Variants in PCDHGA2 observed in about 807,000 individuals in gnomAD.
The protein encoded by PCDHGA2 is protocadherin gamma-A2.
In PCDHGA2, 40 loss-of-function variants were observed where a neutral mutation model predicts 59.2. The observed-to-expected ratio is 0.68, with a 90% CI of 0.52 to 0.88. The LOEUF is 0.88. Among genes scored for constraint, PCDHGA2 ranks in the 40% least tolerant of loss-of-function variants. The pLI is 0.00. For missense variants in PCDHGA2, 1,226 were observed against 1,204.0 expected (o/e 1.02, Z -0.27); for synonymous variants, 560 against 526.0 (o/e 1.06, Z -0.89).
intron 1 of PCDHGA2, chr5:141,430,691 G>C (rs1479214920): frequency 1.4e-6 from 2 of 1,416,472 alleles, no homozygotes; most frequent in Non-Finnish European, 1.9e-6. Flanking sequence ...CCATTCTATG[G>C]GCGAAGGAAC....
rs761126985 is a variant in PCDHGA2 at position 141,431,245 on chromosome 5, C to G, written c.2425-63562C>G. ...TACCCCACGCCTGGGATCCGGATAT[C>G]GGGAAGAACTCTCTGCAGAGCTACG... is the stretch of plus-strand genomic sequence containing the variant. On this transcript the variant is annotated intron_variant, in intron 1 of 3. Transcript: ENST00000394576. This position sits in a 1 kb window ranked among gnomAD's most constrained non-coding sequence, Gnocchi z 4.8. 1.2e-6 allele frequency: 2 copies of G among 1,614,016 alleles called. No homozygotes were observed. Among genetic ancestry groups the G allele is most frequent in the Non-Finnish European group, 1.7e-6 (2 of 1,180,046 alleles).
At chr5:141,402,202 A>G (rs1223519214) in intron 1 of PCDHGA2, among the ~76,000 whole-genome samples, 1 of 152,138 alleles carries the variant, frequency 6.6e-6, no homozygotes. Flanking sequence ...CTTTTATAAT[A>G]CAAAAATTTA....
Position 141,339,180 on chromosome 5 carries a change from G to A in PCDHGA2, c.209G>A (p.Gly70Asp). ...CAGGGAGTCCGCATCGTCTCCAGAGGTAGGTCCCAGCTCTTTGCTCTGAAC... is the reference window on the plus strand; with the variant it reads ...CAGGGAGTCCGCATCGTCTCCAGAGATAGGTCCCAGCTCTTTGCTCTGAAC... The part of the protein sequence containing the change: ...AEQGVRIVSR[G>D]RSQLFALNPR... The change falls in exon 1 of 4, where the codon GGT becomes GAT. Residue 70 changes from glycine (G) to aspartate (D), a missense_variant. By Grantham distance (94) the Gly-to-Asp change is moderately conservative (BLOSUM62 -1). Transcript: ENST00000394576. 6.2e-7 allele frequency: 1 copy of A among 1,614,124 alleles called. No homozygotes were observed. The highest frequency in any genetic ancestry group is 1.3e-5 in the African/African-American group (1 of 75,058).
intron 1 of PCDHGA2, among the ~76,000 whole-genome samples, chr5:141,445,961 G>C (rs944876169): frequency 6.6e-6 from 1 of 152,158 alleles, no homozygotes; most frequent in Non-Finnish European, 1.5e-5. Flanking sequence ...GCTATATGGA[G>C]AATTGATTTA....
intron 1 of PCDHGA2, chr5:141,365,726 C>T (rs1266306756): frequency 6.2e-7 from 1 of 1,613,804 alleles, no homozygotes; most frequent in East Asian, 2.2e-5. Flanking sequence ...AGAAAACAAT[C>T]CCAGAGGTGT....
chr5:141,511,002 C>T lies in PCDHGA2; in HGVS notation c.2628C>T (p.Ser876=), dbSNP rs143630962. 77 of 1,614,140 alleles carry T rather than the reference C, an allele frequency of 4.8e-5. No individual in the cohort carries two copies. Among genetic ancestry groups the T allele is most frequent in the South Asian group, 2.1e-4 (19 of 91,080 alleles). ...GGGGTGCCGGCACCATGGGATTGAG[C>T]GCCCGCTACGGACCCCAGTTCACCC... The part of the protein sequence containing the change: ...LGGGAGTMGL[S]ARYGPQFTLQ... Residue 876 remains serine (S), a synonymous_variant, in exon 4 of 4, where the codon AGC becomes AGT. Coordinates refer to ENST00000394576, the MANE Select transcript of PCDHGA2 (RefSeq NM_018915.4).
intron 2 of PCDHGA2, among the ~76,000 whole-genome samples, chr5:141,503,608 AAAAAAAG>A (rs1483073868): frequency 3.3e-5 from 5 of 151,876 alleles, no homozygotes; most frequent in South Asian, 2.1e-4. Context: ...CAAAAAAAAA[AAAAAAAG>A]AAAAAAGAAA....
At chr5:141,408,776 C>A in intron 1 of PCDHGA2, 2 of 1,611,684 alleles carry the variant, frequency 1.2e-6, no homozygotes, top group Non-Finnish European at 1.7e-6. Flanking sequence ...TGGCAAATAC[C>A]CAGAGTTATC....
intron 1 of PCDHGA2, chr5:141,346,526 C>T (rs1757767070): frequency 1.9e-6 from 3 of 1,582,088 alleles, no homozygotes; most frequent in Non-Finnish European, 2.6e-6. Flanking sequence ...AGCTTTAACA[C>T]ATATGTATTT....
At chr5:141,345,890 G>A (rs532588683) in intron 1 of PCDHGA2, 58 of 1,613,234 alleles carry the variant, frequency 3.6e-5, no homozygotes, top group Non-Finnish European at 4.6e-5. Flanking sequence ...TCTTCTCGGT[G>A]GGTCTGCACA....
chr5:141,352,557 T>G (rs759005567), intron 1 of PCDHGA2: 1 of 1,613,974 alleles, frequency 6.2e-7, no homozygotes, highest in South Asian at 1.1e-5. Flanking sequence ...TCTCTCAACC[T>G]GACACCGGAA....
At chr5:141,420,353 G>C (rs1281948860) in intron 1 of PCDHGA2, 1 of 1,382,260 alleles carries the variant, frequency 7.2e-7, no homozygotes, top group African/African-American at 1.5e-5. Context: ...ATTATTTTAA[G>C]ATTCTAGATA....
chr5:141,352,016 A>C lies in PCDHGA2; in HGVS notation c.2424+10621A>C, dbSNP rs1588492116. ...CGCAGAGCCCGGCTACCTGGTGACC[A>C]AGGTGGTGGCGGTGGACGCAGACTC... On this transcript the variant is annotated intron_variant, in intron 1 of 3. Coordinates refer to ENST00000394576, the MANE Select transcript of PCDHGA2 (RefSeq NM_018915.4). 1.9e-6 allele frequency: 3 copies of C among 1,609,870 alleles called. No individual in the cohort carries two copies. Among genetic ancestry groups the C allele is most frequent in the Non-Finnish European group, 2.5e-6 (3 of 1,179,152 alleles).
At chr5:141,423,631 T>G (rs1452661307) in intron 1 of PCDHGA2, 2 of 1,603,990 alleles carry the variant, frequency 1.2e-6, no homozygotes, top group African/African-American at 2.7e-5. Flanking sequence ...AGCTATCATT[T>G]TAGGCAAATG....
At chr5:141,414,622 C>T in intron 1 of PCDHGA2, 1 of 1,613,956 alleles carries the variant, frequency 6.2e-7, no homozygotes. Context: ...AGCGCTGGAC[C>T]CGGACAGCAA....
At chr5:141,478,586 T>C (rs754157570) in intron 1 of PCDHGA2, 6 of 1,576,788 alleles carry the variant, frequency 3.8e-6, no homozygotes, top group Non-Finnish European at 3.4e-6. Context: ...GTTAGTGCTT[T>C]TTTATTCCTA....
At chr5:141,345,496 C>G in intron 1 of PCDHGA2, 2 of 1,614,182 alleles carry the variant, frequency 1.2e-6, no homozygotes, top group Non-Finnish European at 1.7e-6. Context: ...GCCCGCATCA[C>G]TTATGCATTG....
intron 1 of PCDHGA2, chr5:141,376,025 G>A (rs1561571387): frequency 6.2e-7 from 1 of 1,613,266 alleles, no homozygotes; most frequent in East Asian, 2.2e-5. Flanking sequence ...GGCCGTCCAG[G>A]ACCACGGCCA....
At position 141,433,142 on chromosome 5, in the gene PCDHGA2, G is replaced by T. The variant is rs2097571106; in HGVS notation, c.2425-61665G>T. On this transcript the variant is annotated intron_variant, in intron 1 of 3. Coordinates refer to ENST00000394576, the MANE Select transcript of PCDHGA2 (RefSeq NM_018915.4). ...AAAAAGCGAGCCCCTTTTGCTGTCA[G>T]GTGATTCGGTATTTTCTAAAGACAG... The T allele has an allele frequency of 4.7e-5, 76 of 1,613,992 alleles. No homozygotes were observed. Among genetic ancestry groups the T allele is most frequent in the Non-Finnish European group, 6.4e-5 (76 of 1,180,016 alleles).
Sources: gnomAD v4.1 joint callset for allele counts (sites outside exome capture counted in the v4.1 genomes callset) on GRCh38, gnomAD v4.1.1 for gene constraint, Gnocchi (gnomAD v3.1) non-coding constraint, MANE v1.5 for transcripts, NCBI Gene and HGNC (gene_info 2026-07-23, HGNC 2026-07-21) for gene names.